VTI1A: variants seen among roughly 807,000 people sequenced by gnomAD.
VTI1A encodes the protein vesicle transport through interaction with t-SNAREs homolog 1A.
A neutral mutation model predicts 34.9 loss-of-function variants in VTI1A; 22 were observed. The observed-to-expected ratio is 0.63, with a 90% CI of 0.45 to 0.90. The LOEUF (loss-of-function observed/expected upper bound fraction) is 0.90. Ranked by LOEUF, VTI1A falls within the 40% of genes least tolerant of loss-of-function variation. The pLI is 0.00. For synonymous variants in VTI1A, 87 were observed against 97.3 expected, an observed-to-expected ratio of 0.89 and a Z score of 0.62; for missense variants, 268 against 275.6, an observed-to-expected ratio of 0.97 and a Z score of 0.20.
intron 5 of VTI1A, among the ~76,000 whole-genome samples, chr10:112,585,663 CTTT>C (rs61436886): frequency 1.8e-4 from 21 of 117,292 alleles, no homozygotes; most frequent in Admixed American, 5.3e-4. Context: ...TTGTGGATTT[CTTT>C]TTTTTTTTTT....
chr10:112,477,680 T>C (rs1455349642), intron 3 of VTI1A, among the ~76,000 whole-genome samples: 2 of 152,186 alleles, frequency 1.3e-5, no homozygotes, highest in East Asian at 1.9e-4. Context: ...TGGTGTGAAA[T>C]GTCTGATTAT....
chr10:112,740,591 A>T (rs1850662016), intron 7 of VTI1A, among the ~76,000 whole-genome samples: 1 of 152,146 alleles, frequency 6.6e-6, no homozygotes, highest in African/African-American at 2.4e-5. Context: ...ATCCTTGAAC[A>T]TTTTCTTTAA....
chr10:112,526,604 G>A (rs889986095), intron 3 of VTI1A, among the ~76,000 whole-genome samples: 2 of 151,944 alleles, frequency 1.3e-5, no homozygotes, highest in African/African-American at 4.8e-5. Context: ...TGCTATTCTA[G>A]GCATTGCAGA....
At chr10:112,557,270 T>A (rs1042180661) in intron 5 of VTI1A, among the ~76,000 whole-genome samples, 3 of 152,178 alleles carry the variant, frequency 2.0e-5, no homozygotes, top group African/African-American at 7.2e-5. Context: ...CAGAAATTTT[T>A]AAAAATGCCA....
chr10:112,583,251 A>T (rs368333885), intron 5 of VTI1A, among the ~76,000 whole-genome samples: 1 of 152,290 alleles, frequency 6.6e-6, no homozygotes, highest in East Asian at 1.9e-4. Flanking sequence ...TAGACACCAT[A>T]TGTAGTTTTA....
At chr10:112,568,850 G>A (rs1039468061) in intron 5 of VTI1A, among the ~76,000 whole-genome samples, 2 of 151,998 alleles carry the variant, frequency 1.3e-5, no homozygotes, top group Admixed American at 6.6e-5. Context: ...CCATGCAGTA[G>A]GCCCACTTAA....
the VTI1A span, among the ~76,000 whole-genome samples, chr10:112,833,161 T>C: frequency 2.6e-5 from 4 of 152,042 alleles, no homozygotes; most frequent in Non-Finnish European, 4.4e-5. Context: ...CTGACAGACA[T>C]TGCTAATCGA....
At chr10:112,841,123 G>A in the VTI1A span, among the ~76,000 whole-genome samples, 1 of 152,096 alleles carries the variant, frequency 6.6e-6, no homozygotes, top group Non-Finnish European at 1.5e-5. Context: ...CCACTTTCTG[G>A]AGTCCTCAGC....
chr10:112,473,040 C>G (rs1286546384), intron 3 of VTI1A, among the ~76,000 whole-genome samples: 1 of 148,190 alleles, frequency 6.7e-6, no homozygotes, highest in African/African-American at 2.5e-5. Flanking sequence ...CCAATCTTCT[C>G]TCCCCTTCTC....
intron 3 of VTI1A, among the ~76,000 whole-genome samples, chr10:112,465,604 A>G (rs971665026): frequency 6.6e-6 from 1 of 152,238 alleles, no homozygotes; most frequent in Non-Finnish European, 1.5e-5. Context: ...GAAATAAGTC[A>G]CTCACAAAGA....
At chr10:112,847,303 A>G in the VTI1A span, among the ~76,000 whole-genome samples, 1 of 152,132 alleles carries the variant, frequency 6.6e-6, no homozygotes, top group Non-Finnish European at 1.5e-5. Context: ...AGAGCTGACC[A>G]TCACCCCCTA....
intron 3 of VTI1A, 51 bp downstream of exon 3, chr10:112,464,708 C>T (rs1238335445): frequency 6.9e-7 from 1 of 1,459,094 alleles, no homozygotes; most frequent in South Asian, 1.2e-5. Context: ...AAAAATGTTT[C>T]CTCCTCATGC....
chr10:112,463,724 G>T (rs1847807206), intron 2 of VTI1A, among the ~76,000 whole-genome samples: 1 of 152,072 alleles, frequency 6.6e-6, no homozygotes, highest in Non-Finnish European at 1.5e-5. Context: ...TGGTTATAAA[G>T]TATCGGGAGT....
At chr10:112,838,039 G>A in the VTI1A span, among the ~76,000 whole-genome samples, 1 of 152,236 alleles carries the variant, frequency 6.6e-6, no homozygotes, top group African/African-American at 2.4e-5. Flanking sequence ...GGATGCTGAA[G>A]TCATGGCACT....
At chr10:112,720,426 A>C (rs566793883) in intron 7 of VTI1A, among the ~76,000 whole-genome samples, 1 of 152,284 alleles carries the variant, frequency 6.6e-6, no homozygotes, top group African/African-American at 2.4e-5. Context: ...GAACTATCTC[A>C]TGGTGGCTTT....
At chr10:112,501,848 G>C (rs910727307) in intron 3 of VTI1A, among the ~76,000 whole-genome samples, 1 of 152,028 alleles carries the variant, frequency 6.6e-6, no homozygotes, top group Non-Finnish European at 1.5e-5. Context: ...TAACAGCACA[G>C]TTTGTATGTG....
chr10:112,773,395 T>C (rs1048329993), intron 7 of VTI1A, among the ~76,000 whole-genome samples: 3 of 152,196 alleles, frequency 2.0e-5, no homozygotes, highest in Non-Finnish European at 2.9e-5. Context: ...CACTGAACAC[T>C]AACTGAACTG....
intron 7 of VTI1A, among the ~76,000 whole-genome samples, chr10:112,813,820 C>G (rs1039082674): frequency 6.6e-5 from 10 of 152,186 alleles, no homozygotes; most frequent in Admixed American, 3.3e-4. Context: ...AGATCTTAGC[C>G]AAGCCTTGAG....
intron 5 of VTI1A, among the ~76,000 whole-genome samples, chr10:112,558,409 G>C (rs1851607121): frequency 6.6e-6 from 1 of 152,162 alleles, no homozygotes; most frequent in Non-Finnish European, 1.5e-5. Flanking sequence ...TTTACAGGGA[G>C]CTGGGAAAAG....
Sources: gnomAD v4.1 joint callset for allele counts (sites outside exome capture counted in the v4.1 genomes callset) on GRCh38, gnomAD v4.1.1 for gene constraint, MANE v1.5 for transcripts, NCBI Gene and HGNC (gene_info 2026-07-23, HGNC 2026-07-21) for gene names.